TACR3: variants seen among roughly 807,000 people sequenced by gnomAD.
The protein encoded by TACR3 is neuromedin-K receptor.
TACR3 carries 34 observed loss-of-function variants against 35.0 expected under a neutral mutation model. The ratio of observed to expected loss-of-function variants is 0.97; its 90% CI spans 0.74 to 1.30. TACR3 has a LOEUF of 1.30. TACR3 is among the 50% of genes most tolerant of loss of function. The pLI is 0.00. For missense variants in TACR3, 558 were observed against 591.7 expected, an observed-to-expected ratio of 0.94 and a Z score of 0.59; for synonymous variants, 233 against 221.1, an observed-to-expected ratio of 1.05 and a Z score of -0.48.
intron 3 of TACR3, among the ~76,000 whole-genome samples, chr4:103,596,745 C>T (rs1724033694): frequency 6.6e-6 from 1 of 151,596 alleles, no homozygotes; most frequent in Non-Finnish European, 1.5e-5. Flanking sequence ...TAATGCTATC[C>T]CTCCCCCGTC....
chr4:103,596,415 G>A (rs1220744941), intron 3 of TACR3, among the ~76,000 whole-genome samples: 1 of 151,728 alleles, frequency 6.6e-6, no homozygotes, highest in Non-Finnish European at 1.5e-5. Flanking sequence ...AGCACCTGTT[G>A]TTTCCTGACT....
intron 1 of TACR3, among the ~76,000 whole-genome samples, chr4:103,695,709 C>CTGTGTG (rs1337438362): frequency 1.4e-5 from 2 of 139,196 alleles, no homozygotes; most frequent in African/African-American, 6.4e-5. Flanking sequence ...ATGTCTCTCT[C>CTGTGTG]TCTGTGTGTG....
At chr4:103,687,656 AAG>A (rs1160264216) in intron 1 of TACR3, among the ~76,000 whole-genome samples, 1 of 152,170 alleles carries the variant, frequency 6.6e-6, no homozygotes, top group African/African-American at 2.4e-5. Context: ...AATTGCTTCA[AAG>A]AGAATAAAAT....
At chr4:103,699,349 G>A (rs868364860) in intron 1 of TACR3, among the ~76,000 whole-genome samples, 8 of 152,108 alleles carry the variant, frequency 5.3e-5, no homozygotes, top group South Asian at 2.1e-4. Flanking sequence ...CAGTGATGGC[G>A]GAGCACAGTG....
At chr4:103,644,978 C>T (rs990105525) in intron 3 of TACR3, among the ~76,000 whole-genome samples, 2 of 151,692 alleles carry the variant, frequency 1.3e-5, no homozygotes, top group Admixed American at 6.6e-5. Flanking sequence ...GATATATTAA[C>T]ATTGGAAATC....
At chr4:103,641,106 ATTC>A (rs1725346982) in intron 3 of TACR3, among the ~76,000 whole-genome samples, 1 of 151,874 alleles carries the variant, frequency 6.6e-6, no homozygotes. Context: ...GTTCAATTTT[ATTC>A]TTCTGCATGT....
At chr4:103,651,361 G>A (rs1054439556) in intron 3 of TACR3, among the ~76,000 whole-genome samples, 2 of 151,404 alleles carry the variant, frequency 1.3e-5, no homozygotes, top group Non-Finnish European at 2.9e-5. Context: ...CACTTCCTGT[G>A]GCCACCACTG....
chr4:103,653,118 C>T (rs79469085), intron 3 of TACR3, among the ~76,000 whole-genome samples: 2,099 of 152,118 alleles, frequency 0.014, 57 homozygotes, highest in African/African-American at 0.049. Context: ...GGGGCCATTT[C>T]GTATTATTTC....
chr4:103,595,026 G>C (rs2110285260), intron 3 of TACR3, among the ~76,000 whole-genome samples: 1 of 152,224 alleles, frequency 6.6e-6, no homozygotes, highest in South Asian at 2.1e-4. Flanking sequence ...TTGGGTGGGA[G>C]AAATTGTCTT....
intron 3 of TACR3, among the ~76,000 whole-genome samples, chr4:103,633,389 C>A (rs995585031): frequency 6.8e-6 from 1 of 146,592 alleles, no homozygotes; most frequent in Non-Finnish European, 1.5e-5. Flanking sequence ...TTATTTGCTG[C>A]AAATCAATTT....
At chr4:103,639,123 A>C (rs1176547857) in intron 3 of TACR3, among the ~76,000 whole-genome samples, 1 of 152,140 alleles carries the variant, frequency 6.6e-6, no homozygotes, top group Non-Finnish European at 1.5e-5. Flanking sequence ...TCATGCTGCT[A>C]TAAAGACACA....
At chr4:103,707,463 G>T (rs1722820818) in intron 1 of TACR3, among the ~76,000 whole-genome samples, 1 of 151,554 alleles carries the variant, frequency 6.6e-6, no homozygotes, top group Non-Finnish European at 1.5e-5. Context: ...ATTTATATTT[G>T]TCTGTTCATT....
Position 103,718,607 on chromosome 4 carries a change from C to A in TACR3, c.548+521G>T, listed in dbSNP as rs558943870. ...TGCTAGTTCTTGGTGACTGGGAGAC[C>A]AAACCAGTGTTGGCCTTGGGGCAAG... On this transcript the variant is annotated intron_variant, in intron 1 of 4. Coordinates refer to ENST00000304883, the MANE Select transcript of TACR3 (RefSeq NM_001059.3). Among the ~76,000 whole-genome samples the A allele has an allele frequency of 1.3e-3, 201 of 152,070 alleles. 1 individual carries two copies. Among genetic ancestry groups the A allele is most frequent in the Middle Eastern group, 0.01 (3 of 294 alleles).
At chr4:103,681,738 A>G (rs1162057075) in intron 1 of TACR3, among the ~76,000 whole-genome samples, 1 of 152,100 alleles carries the variant, frequency 6.6e-6, no homozygotes, top group Non-Finnish European at 1.5e-5. Context: ...TAGAAAAACT[A>G]AATAACTCCA....
rs144138819 is a variant in TACR3 at position 103,719,355 on chromosome 4, G to A, written c.321C>T (p.Ile107=). 6.2e-6 allele frequency: 10 copies of A among 1,614,132 alleles called. No individual in the cohort carries two copies. Among genetic ancestry groups the A allele is most frequent in the Non-Finnish European group, 8.5e-6 (10 of 1,180,054 alleles). ...AVAVLGNLIV[I]WIILAHKRMR... ...TGCGCTTGTGGGCCAGGATGATCCAGATGACGATGAGATTTCCCAAAACTG... is the reference window on the plus strand; with the variant it reads ...TGCGCTTGTGGGCCAGGATGATCCAAATGACGATGAGATTTCCCAAAACTG... The change falls in exon 1 of 5, where the codon ATC becomes ATT. Residue 107 remains isoleucine, a synonymous_variant. Transcript: ENST00000304883.
intron 1 of TACR3, among the ~76,000 whole-genome samples, chr4:103,679,664 C>G (rs1000875423): frequency 1.3e-5 from 2 of 151,782 alleles, no homozygotes; most frequent in Non-Finnish European, 2.9e-5. Flanking sequence ...TTATGAGACA[C>G]CCCCTTTAAA....
intron 4 of TACR3, among the ~76,000 whole-genome samples, chr4:103,590,310 T>C (rs1158825721): frequency 6.6e-6 from 1 of 152,200 alleles, no homozygotes; most frequent in Admixed American, 6.6e-5. Flanking sequence ...AGTACATTTT[T>C]CTAAAATAAT....
chr4:103,590,666 G>T (rs1372281874), intron 4 of TACR3, among the ~76,000 whole-genome samples: 1 of 151,888 alleles, frequency 6.6e-6, no homozygotes, highest in Non-Finnish European at 1.5e-5. Flanking sequence ...ACTGAGAAGA[G>T]AGCTTAGGAT....
intron 1 of TACR3, among the ~76,000 whole-genome samples, chr4:103,693,192 C>T (rs934431317): frequency 5.9e-5 from 9 of 152,006 alleles, no homozygotes; most frequent in African/African-American, 1.9e-4. Flanking sequence ...TAATATTTTA[C>T]TGTATGTCCT....
Sources: allele counts gnomAD v4.1 joint callset (sites outside exome capture counted in the v4.1 genomes callset), GRCh38; gene constraint gnomAD v4.1.1; transcripts MANE v1.5; gene names NCBI Gene and HGNC (gene_info 2026-07-23, HGNC 2026-07-21).